The following CADM1 variants were observed in gnomAD, a reference collection of about 807,000 sequenced individuals.
CADM1 encodes cell adhesion molecule 1.
CADM1 carries 15 observed loss-of-function variants against 53.1 expected under a neutral mutation model. The observed-to-expected ratio is 0.28, with a 90% CI of 0.19 to 0.44. The LOEUF (loss-of-function observed/expected upper bound fraction) is 0.44. CADM1 is among the 20% of genes least tolerant of loss of function. The pLI, the probability that CADM1 is intolerant of heterozygous loss-of-function variation, is 1.00. For missense variants in CADM1, 434 were observed against 611.3 expected (o/e 0.71, Z 3.06); for synonymous variants, 281 against 243.0 (o/e 1.16, Z -1.45).
At chr11:115,231,725 A>T (rs1194003232) in intron 3 of CADM1, among the ~76,000 whole-genome samples, 2 of 152,180 alleles carry the variant, frequency 1.3e-5, no homozygotes, top group East Asian at 3.8e-4. Flanking sequence ...GATGGCTCAC[A>T]TTTGTAATCC....
chr11:115,250,705 C>T (rs1303191329), intron 1 of CADM1, among the ~76,000 whole-genome samples: 3 of 152,132 alleles, frequency 2.0e-5, no homozygotes, highest in Non-Finnish European at 4.4e-5. Context: ...CTATGCAAGG[C>T]GCTATGCTTC....
At chr11:115,409,290 GAC>G (rs1413649300) in intron 1 of CADM1, among the ~76,000 whole-genome samples, 1 of 152,100 alleles carries the variant, frequency 6.6e-6, no homozygotes, top group East Asian at 1.9e-4. Context: ...AACACACAAA[GAC>G]AATGTAAAAT....
intron 1 of CADM1, among the ~76,000 whole-genome samples, chr11:115,359,007 G>C (rs1321236585): frequency 6.6e-6 from 1 of 152,276 alleles, no homozygotes; most frequent in East Asian, 1.9e-4. Flanking sequence ...AAGATGAGGA[G>C]TGAGTTTTCA....
chr11:115,408,687 T>C (rs947813875), intron 1 of CADM1, among the ~76,000 whole-genome samples: 1 of 152,180 alleles, frequency 6.6e-6, no homozygotes, highest in Non-Finnish European at 1.5e-5. Context: ...CCAAGAAAAT[T>C]AGTTAAGACA....
intron 7 of CADM1, among the ~76,000 whole-genome samples, chr11:115,211,781 G>A (rs540502821): frequency 2.0e-4 from 30 of 151,720 alleles, no homozygotes; most frequent in African/African-American, 6.5e-4. Flanking sequence ...GAGCCACCAC[G>A]CCCAGCCTAT....
At chr11:115,458,531 TTAC>T (rs201649617) in intron 1 of CADM1, among the ~76,000 whole-genome samples, 1 of 140,970 alleles carries the variant, frequency 7.1e-6, no homozygotes, top group Admixed American at 7.1e-5. Context: ...ATTATTATTA[TTAC>T]ATTATACCCT....
At chr11:115,321,096 T>G (rs1409030569) in intron 1 of CADM1, among the ~76,000 whole-genome samples, 2 of 152,212 alleles carry the variant, frequency 1.3e-5, no homozygotes, top group Admixed American at 6.5e-5. Flanking sequence ...GCATATTATC[T>G]TAGGTTCTAA....
At chr11:115,297,944 T>C (rs570709029) in intron 1 of CADM1, among the ~76,000 whole-genome samples, 1 of 152,346 alleles carries the variant, frequency 6.6e-6, no homozygotes, top group African/African-American at 2.4e-5. Flanking sequence ...TGGACTGCAC[T>C]GCATGGTCCC....
intron 4 of CADM1, among the ~76,000 whole-genome samples, chr11:115,230,470 A>C (rs755594306): frequency 2.6e-5 from 4 of 152,234 alleles, no homozygotes; most frequent in Non-Finnish European, 5.9e-5. Flanking sequence ...TCAGCCCCTA[A>C]GACCTTTGTG....
chr11:115,174,240 A>T lies in CADM1; in HGVS notation c.*2234T>A. On this transcript the variant is annotated 3_prime_UTR_variant, in exon 12 of 12. Coordinates refer to ENST00000331581, the MANE Select transcript of CADM1 (RefSeq NM_001301043.2). ...AAAGATGGGAGGTCCCAAAAATGAG[A>T]TGCCAATTCTGTGAGCAATGGTGTG... 1.0e-6 allele frequency: 1 copy of T among 985,212 alleles called. No individual in the cohort carries two copies. The highest frequency in any genetic ancestry group is 1.2e-6 in the Non-Finnish European group (1 of 829,844). 61.0% of individuals were successfully genotyped at this position (985,212 alleles called of 1,614,324 possible). A position where few individuals can be genotyped will look rare whatever the true frequency, so the allele number is the denominator to read the frequency against.
intron 1 of CADM1, among the ~76,000 whole-genome samples, chr11:115,491,838 A>G (rs191556569): frequency 7.2e-5 from 11 of 152,310 alleles, no homozygotes; most frequent in Non-Finnish European, 1.5e-4. Context: ...CATTTGGAGC[A>G]ACCTATCACA....
intron 1 of CADM1, among the ~76,000 whole-genome samples, chr11:115,450,414 T>C (rs314474): frequency 0.88 from 134,063 of 152,202 alleles, 59,393 homozygotes; most frequent in East Asian, 0.99. Context: ...TGCTTCTATC[T>C]TAGTAATATG....
At chr11:115,427,118 T>G (rs1947911559) in intron 1 of CADM1, among the ~76,000 whole-genome samples, 1 of 151,980 alleles carries the variant, frequency 6.6e-6, no homozygotes, top group South Asian at 2.1e-4. Flanking sequence ...AGATATAAAT[T>G]AAAATTTACA....
intron 1 of CADM1, among the ~76,000 whole-genome samples, chr11:115,368,110 C>CTT (rs58589028): frequency 1.0e-3 from 64 of 61,878 alleles, no homozygotes; most frequent in East Asian, 1.7e-3. Flanking sequence ...TCACTAGAGT[C>CTT]TTTTTTTTTT....
intron 1 of CADM1, among the ~76,000 whole-genome samples, chr11:115,412,482 A>G (rs1175271335): frequency 6.6e-6 from 1 of 152,230 alleles, no homozygotes; most frequent in Non-Finnish European, 1.5e-5. Context: ...TACAGGCGTG[A>G]GCCACTGTGC....
intron 8 of CADM1, among the ~76,000 whole-genome samples, chr11:115,206,784 T>TTTTTTTTTTTTTTTTTTTTC (rs1940716162): frequency 7.3e-6 from 1 of 137,528 alleles, no homozygotes; most frequent in Non-Finnish European, 1.5e-5. Context: ...TTTTTTTTTT[T>TTTTTTTTTTTTTTTTTTTTC]TTTTTAAGCT....
chr11:115,353,639 G>T (rs536720233), intron 1 of CADM1, among the ~76,000 whole-genome samples: 1 of 152,086 alleles, frequency 6.6e-6, no homozygotes, highest in African/African-American at 2.4e-5. Context: ...GATAGAATAC[G>T]CAGAGAAGTT....
intron 1 of CADM1, among the ~76,000 whole-genome samples, chr11:115,455,334 G>GA (rs1298470458): frequency 9.4e-5 from 14 of 148,800 alleles, no homozygotes; most frequent in Admixed American, 6.0e-4. Context: ...GGGAAAAAAA[G>GA]AAAAAAAAGT....
intron 1 of CADM1, among the ~76,000 whole-genome samples, chr11:115,411,823 A>G (rs2135246929): frequency 6.6e-6 from 1 of 152,312 alleles, no homozygotes; most frequent in South Asian, 2.1e-4. Flanking sequence ...TTCTCCAAAT[A>G]GGACCAGAGT....
Sources: allele counts gnomAD v4.1 joint callset (sites outside exome capture counted in the v4.1 genomes callset), GRCh38; gene constraint gnomAD v4.1.1; transcripts MANE v1.5; gene names NCBI Gene and HGNC (gene_info 2026-07-23, HGNC 2026-07-21).